Variants in SCFD2 observed in about 807,000 individuals in gnomAD.
SCFD2 encodes sec1 family domain containing 2, also known as sec1 family domain-containing protein 2.
SCFD2 carries 54 observed loss-of-function variants against 58.9 expected under a neutral mutation model. That is an observed-to-expected ratio of 0.92 (90% confidence interval 0.74 to 1.15). SCFD2 has a LOEUF of 1.15. Ranked by LOEUF, SCFD2 falls within the 50% of genes most tolerant of loss-of-function variation. The pLI is 0.00. For missense variants in SCFD2, 805 were observed against 836.6 expected, an observed-to-expected ratio of 0.96 and a Z score of 0.47; for synonymous variants, 321 against 335.9, an observed-to-expected ratio of 0.96 and a Z score of 0.49.
At chr4:52,917,225 C>T (rs564043450) in intron 6 of SCFD2, among the ~76,000 whole-genome samples, 19 of 152,102 alleles carry the variant, frequency 1.2e-4, no homozygotes, top group Non-Finnish European at 2.5e-4. Flanking sequence ...GAGTTTTATA[C>T]GTATTAATTC....
intron 5 of SCFD2, among the ~76,000 whole-genome samples, chr4:53,118,045 A>G (rs1022094458): frequency 1.3e-5 from 2 of 152,216 alleles, no homozygotes; most frequent in Admixed American, 1.3e-4. Context: ...TTGATTGAGC[A>G]TCAGTATTGT....
At chr4:52,939,134 T>C (rs1720221343) in intron 5 of SCFD2, among the ~76,000 whole-genome samples, 1 of 152,200 alleles carries the variant, frequency 6.6e-6, no homozygotes, top group Admixed American at 6.5e-5. Flanking sequence ...TGTGGGGTTG[T>C]TTGTTATTAG....
intron 4 of SCFD2, among the ~76,000 whole-genome samples, chr4:53,246,057 A>C (rs1247929338): frequency 6.6e-6 from 1 of 152,192 alleles, no homozygotes; most frequent in Non-Finnish European, 1.5e-5. Flanking sequence ...AACAATAGCC[A>C]AGCGGAGAGC....
chr4:52,902,779 T>C (rs1719236719), intron 7 of SCFD2, among the ~76,000 whole-genome samples: 1 of 152,228 alleles, frequency 6.6e-6, no homozygotes, highest in Admixed American at 6.5e-5. Context: ...GGCACAAAGA[T>C]GTGCCCAAGG....
intron 5 of SCFD2, among the ~76,000 whole-genome samples, chr4:53,054,691 C>CA (rs1032123240): frequency 6.0e-5 from 9 of 151,184 alleles, no homozygotes; most frequent in African/African-American, 2.2e-4. Context: ...CTCACTCTAT[C>CA]ACCCAGGCTG....
intron 5 of SCFD2, among the ~76,000 whole-genome samples, chr4:52,976,001 C>T (rs1435719662): frequency 3.2e-5 from 4 of 123,948 alleles, no homozygotes; most frequent in African/African-American, 1.3e-4. Context: ...GGAAGCGGAA[C>T]ATCACACACT....
chr4:53,180,626 G>C (rs1727517096), intron 4 of SCFD2, among the ~76,000 whole-genome samples: 1 of 152,298 alleles, frequency 6.6e-6, no homozygotes, highest in East Asian at 1.9e-4. Context: ...TCAAAAGTTA[G>C]AAGAAGGCGA....
At chr4:53,026,367 C>T (rs763794201) in intron 5 of SCFD2, among the ~76,000 whole-genome samples, 13 of 152,188 alleles carry the variant, frequency 8.5e-5, no homozygotes, top group East Asian at 1.9e-4. Context: ...GTGCTTCCGA[C>T]GCCTAGCACA....
intron 5 of SCFD2, among the ~76,000 whole-genome samples, chr4:53,042,375 C>T (rs1722922110): frequency 6.6e-6 from 1 of 152,080 alleles, no homozygotes; most frequent in Non-Finnish European, 1.5e-5. Flanking sequence ...TCCAAGAACA[C>T]TGGGCCTTCA....
chr4:53,307,982 A>G (rs561089314), intron 3 of SCFD2, among the ~76,000 whole-genome samples: 20 of 152,274 alleles, frequency 1.3e-4, no homozygotes, highest in African/African-American at 4.1e-4. Flanking sequence ...GCATAGCCTG[A>G]CAGGGATCCA....
intron 4 of SCFD2, among the ~76,000 whole-genome samples, chr4:53,257,421 C>T (rs1001692462): frequency 3.3e-5 from 5 of 152,164 alleles, no homozygotes; most frequent in Non-Finnish European, 7.3e-5. Context: ...ATAGTCAGGG[C>T]GCCTCCTAAG....
intron 5 of SCFD2, among the ~76,000 whole-genome samples, chr4:52,972,367 C>T (rs1267675302): frequency 6.6e-6 from 1 of 152,094 alleles, no homozygotes; most frequent in East Asian, 1.9e-4. Context: ...GGTTGCAATC[C>T]TAGTCTCGGA....
At chr4:53,233,226 A>G (rs747142161) in intron 4 of SCFD2, among the ~76,000 whole-genome samples, 4 of 152,210 alleles carry the variant, frequency 2.6e-5, no homozygotes, top group Non-Finnish European at 5.9e-5. Flanking sequence ...CAAAGAAAAA[A>G]AAAATCCTAG....
intron 1 of SCFD2, among the ~76,000 whole-genome samples, chr4:53,354,424 C>T (rs552158720): frequency 1.3e-5 from 2 of 152,322 alleles, no homozygotes; most frequent in East Asian, 3.9e-4. Context: ...CTGCCAGCGC[C>T]GCAGTGCAGG....
At chr4:53,113,675 C>A (rs1358147739) in intron 5 of SCFD2, among the ~76,000 whole-genome samples, 2 of 152,128 alleles carry the variant, frequency 1.3e-5, no homozygotes, top group East Asian at 3.9e-4. Context: ...TAGAATGTAG[C>A]CTCCACCAGG....
chr4:53,256,436 T>C (rs1017826778), intron 4 of SCFD2, among the ~76,000 whole-genome samples: 5 of 145,192 alleles, frequency 3.4e-5, no homozygotes, highest in Admixed American at 6.8e-5. Context: ...TCCCAGACGA[T>C]GGGCGACCAG....
chr4:53,223,756 A>T (rs1729117321), intron 4 of SCFD2, among the ~76,000 whole-genome samples: 1 of 152,268 alleles, frequency 6.6e-6, no homozygotes, highest in Non-Finnish European at 1.5e-5. Context: ...AACTAAAGAC[A>T]ATACTGATGG....
chr4:53,006,375 C>T (rs1355062159), intron 5 of SCFD2, among the ~76,000 whole-genome samples: 2 of 152,218 alleles, frequency 1.3e-5, no homozygotes, highest in Non-Finnish European at 2.9e-5. Flanking sequence ...AACTTCACAC[C>T]ATTGGGCCTG....
chr4:53,276,618 C>T (rs560469194), intron 3 of SCFD2, among the ~76,000 whole-genome samples: 1 of 152,184 alleles, frequency 6.6e-6, no homozygotes, highest in African/African-American at 2.4e-5. Context: ...TTCCTCCCAC[C>T]CTCCACCCTC....
Sources: allele counts gnomAD v4.1 joint callset (sites outside exome capture counted in the v4.1 genomes callset), GRCh38; gene constraint gnomAD v4.1.1; transcripts MANE v1.5; gene names NCBI Gene and HGNC (gene_info 2026-07-23, HGNC 2026-07-21).